CACNA1B: variants seen among roughly 807,000 people sequenced by gnomAD.
CACNA1B encodes calcium voltage-gated channel subunit alpha1 B.
A neutral mutation model predicts 247.2 loss-of-function variants in CACNA1B; 70 were observed. That is an observed-to-expected ratio of 0.28 (90% CI 0.23 to 0.35). The LOEUF (loss-of-function observed/expected upper bound fraction) is 0.35, where lower values mean the gene tolerates loss of function less well. Ranked by LOEUF, CACNA1B falls within the 10% of genes least tolerant of loss-of-function variation. CACNA1B has a pLI of 1.00. For synonymous variants in CACNA1B, 1,231 were observed against 1,294.4 expected (o/e 0.95, Z 1.05); for missense variants, 2,367 against 3,197.4 (o/e 0.74, Z 6.26).
chr9:138,095,363 A>G (rs192122997), intron 36 of CACNA1B, among the ~76,000 whole-genome samples: 141 of 152,370 alleles, frequency 9.3e-4, no homozygotes, highest in African/African-American at 3.3e-3. Flanking sequence ...AAGATATTCA[A>G]CATCTTTGGT....
chr9:137,925,220 G>A (rs1000808872), intron 6 of CACNA1B, among the ~76,000 whole-genome samples: 1 of 152,166 alleles, frequency 6.6e-6, no homozygotes, highest in African/African-American at 2.4e-5. Flanking sequence ...AGTGGGGAGC[G>A]CCATCCTCCC....
rs753436774 is a variant in CACNA1B, at chr9:138,058,685, C to T, written c.4425C>T (p.Tyr1475=). The change falls in exon 29 of 47, where the codon TAC becomes TAT. Residue 1475 remains tyrosine, a synonymous_variant. Transcript: ENST00000371372. The surrounding 1 kb of genome is among the most constrained non-coding windows in gnomAD (Gnocchi z 4.7). ...TTGTGGTCTCCCCGCCCTTTGAATA[C>T]TTCATCATGGCCATGATAGCCCTCA... ...WTFVVSPPFE[Y]FIMAMIALNT... 2 of 1,612,348 alleles carry T rather than the reference C, an allele frequency of 1.2e-6. No individual in the cohort carries two copies. Among genetic ancestry groups the T allele is most frequent in the Admixed American group, 3.3e-5 (2 of 59,758 alleles).
chr9:138,028,075 C>T (rs1166478571), intron 20 of CACNA1B, among the ~76,000 whole-genome samples: 1 of 145,210 alleles, frequency 6.9e-6, no homozygotes, highest in Non-Finnish European at 1.5e-5. Flanking sequence ...GCTCTGTCAC[C>T]CTGGCTGGAG....
At chr9:138,024,720 C>T (rs1056098357) in intron 19 of CACNA1B, among the ~76,000 whole-genome samples, 1 of 152,144 alleles carries the variant, frequency 6.6e-6, no homozygotes, top group African/African-American at 2.4e-5. Flanking sequence ...CCTCAACTTC[C>T]CGGGCTGAAG....
chr9:138,103,118 C>T (rs1961309820), intron 38 of CACNA1B, among the ~76,000 whole-genome samples: 1 of 152,216 alleles, frequency 6.6e-6, no homozygotes, highest in African/African-American at 2.4e-5. Flanking sequence ...TTTCTCCCTC[C>T]CTTCCTTTCC....
Position 138,020,430 on chromosome 9 carries a change from G to A in CACNA1B, c.2268-2581G>A, listed in dbSNP as rs972771074. ...GCCACACTTCACTCTAAGTTGGTGTGGATATGTGCCAGATAGAGCAAGGAC... is the reference window on the plus strand; with the variant it reads ...GCCACACTTCACTCTAAGTTGGTGTAGATATGTGCCAGATAGAGCAAGGAC... On this transcript the variant is annotated intron_variant, in intron 18 of 46. Coordinates refer to ENST00000371372, the MANE Select transcript of CACNA1B (RefSeq NM_000718.4). The surrounding 1 kb of genome is among the most constrained non-coding windows in gnomAD (Gnocchi z 4.1). Among the ~76,000 whole-genome samples the A allele has an allele frequency of 1.3e-5, 2 of 152,222 alleles. No homozygotes were observed. The highest frequency in any genetic ancestry group is 4.8e-5 in the African/African-American group (2 of 41,458).
Position 138,011,355 on chromosome 9 carries a change from C to A in CACNA1B, c.2160+1278C>A, listed in dbSNP as rs1276552065. Among the ~76,000 whole-genome samples the A allele has an allele frequency of 6.6e-6, 1 of 152,136 alleles. No homozygotes were observed. The highest frequency in any genetic ancestry group is 1.5e-5 in the Non-Finnish European group (1 of 68,020). ...GGGCCCTGTGTCCACATACATGTAC[C>A]CTCATTGGTGGCCCCCCTTTTGTGT... On this transcript the variant is annotated intron_variant, in intron 17 of 46. Coordinates refer to ENST00000371372, the MANE Select transcript of CACNA1B (RefSeq NM_000718.4). The surrounding 1 kb of genome is among the most constrained non-coding windows in gnomAD (Gnocchi z 4.2).
chr9:137,926,116 T>C (rs1312383350), intron 6 of CACNA1B, among the ~76,000 whole-genome samples: 1 of 143,740 alleles, frequency 7.0e-6, no homozygotes, highest in African/African-American at 2.6e-5. Context: ...TCGCCCAGGC[T>C]GGAGTATAGT....
intron 3 of CACNA1B, chr9:137,892,013 C>T (rs1421208940): frequency 2.2e-6 from 1 of 457,044 alleles, no homozygotes. Context: ...CCTTGGTCCT[C>T]CTCACTCAGT....
In CACNA1B at chr9:137,986,283, C is replaced by T; in HGVS notation, c.1770-130C>T. On this transcript the variant is annotated intron_variant, in intron 13 of 46. Coordinates refer to ENST00000371372, the MANE Select transcript of CACNA1B (RefSeq NM_000718.4). The surrounding 1 kb of genome is among the most constrained non-coding windows in gnomAD (Gnocchi z 6.0). ...GGGCCTGAAACTCCAGAGAAAAGCTCTAACTTCACACCTAGGTGTGCAGCC... is the reference window on the plus strand; with the variant it reads ...GGGCCTGAAACTCCAGAGAAAAGCTTTAACTTCACACCTAGGTGTGCAGCC... The T allele has an allele frequency of 1.0e-6, 1 of 1,002,602 alleles. No individual in the cohort carries two copies. Among genetic ancestry groups the T allele is most frequent in the Non-Finnish European group, 1.5e-6 (1 of 689,242 alleles). 62.1% of individuals were successfully genotyped at this position (1,002,602 alleles called of 1,614,324 possible). A position where few individuals can be genotyped will look rare whatever the true frequency, so the allele number is the denominator to read the frequency against.
intron 3 of CACNA1B, among the ~76,000 whole-genome samples, chr9:137,894,438 G>A (rs1957148670): frequency 6.7e-6 from 1 of 149,180 alleles, no homozygotes. Flanking sequence ...TTTTTCAGAT[G>A]GAGTCTCGCT....
rs1213653589 is a variant in CACNA1B, at chr9:138,023,269, C to T, written c.2526C>T (p.Pro842=). ...CCCGACCTGAGGCTGCGGAGGCCCCCGAGGGCGTCGACCCTCCGCGCAGGC... is the reference window on the plus strand; with the variant it reads ...CCCGACCTGAGGCTGCGGAGGCCCCTGAGGGCGTCGACCCTCCGCGCAGGC... The part of the protein sequence containing the change: ...GKARPEAAEA[P]EGVDPPRRHH... Residue 842 remains proline (P), a synonymous_variant, in exon 19 of 47, where the codon CCC becomes CCT. Transcript: ENST00000371372. 2 of 1,515,514 alleles carry T rather than the reference C, an allele frequency of 1.3e-6. No homozygotes were observed. The highest frequency in any genetic ancestry group is 1.2e-5 in the South Asian group (1 of 81,666). 93.9% of individuals were successfully genotyped at this position (1,515,514 alleles called of 1,614,324 possible). A position where few individuals can be genotyped will look rare whatever the true frequency, so the allele number is the denominator to read the frequency against.
chr9:138,117,476 C>T (rs1282192740), intron 42 of CACNA1B, among the ~76,000 whole-genome samples: 1 of 152,216 alleles, frequency 6.6e-6, no homozygotes. Context: ...TTGCTGTCTG[C>T]TGGCATAGGC....
At chr9:138,071,383 A>C (rs909535605) in intron 32 of CACNA1B, among the ~76,000 whole-genome samples, 7 of 152,162 alleles carry the variant, frequency 4.6e-5, no homozygotes, top group African/African-American at 7.2e-5. Context: ...TCTGCCTCCG[A>C]GGGGCTGGCG....
Position 138,110,390 on chromosome 9 carries a change from C to T in CACNA1B, c.5429-2008C>T, listed in dbSNP as rs561773479. Among the ~76,000 whole-genome samples the T allele has an allele frequency of 1.1e-4, 17 of 151,804 alleles. No homozygotes were observed. The South Asian group carries it at 1.7e-3, about 15-fold the overall frequency. On this transcript the variant is annotated intron_variant, in intron 39 of 46. Coordinates refer to ENST00000371372, the MANE Select transcript of CACNA1B (RefSeq NM_000718.4). Reference sequence around the variant, plus strand: ...TTGGCCTCCCATAGTGCTGGAATTACGGGAGTGAGCCACTGTGCCCCACCA... The same window carrying T: ...TTGGCCTCCCATAGTGCTGGAATTATGGGAGTGAGCCACTGTGCCCCACCA...
rs1015196932 is a variant in CACNA1B at position 137,899,720 on chromosome 9, C to G, written c.531-13460C>G. On this transcript the variant is annotated intron_variant, in intron 3 of 46. Coordinates refer to ENST00000371372, the MANE Select transcript of CACNA1B (RefSeq NM_000718.4). This position sits in a 1 kb window ranked among gnomAD's most constrained non-coding sequence, Gnocchi z 5.0. ...CTGGAAGGTCAGTGACAAAGCAGAT[C>G]CTGGAGATGGTGCCTCCCCTGCCAG... Among the ~76,000 whole-genome samples, 5 of 152,176 alleles carry G rather than the reference C, an allele frequency of 3.3e-5. No homozygotes were observed. The highest frequency in any genetic ancestry group is 1.2e-4 in the African/African-American group (5 of 41,446).
chr9:137,987,296 C>A (rs574450054), intron 15 of CACNA1B, among the ~76,000 whole-genome samples: 1 of 152,290 alleles, frequency 6.6e-6, no homozygotes, highest in East Asian at 1.9e-4. Flanking sequence ...CCCCTCAGCT[C>A]CTCGGGAAGT....
At chr9:138,098,315 G>A (rs184087341) in intron 37 of CACNA1B, among the ~76,000 whole-genome samples, 24 of 152,302 alleles carry the variant, frequency 1.6e-4, no homozygotes, top group Admixed American at 1.4e-3. Flanking sequence ...CCACATTGAA[G>A]ACCTAGACCT....
chr9:137,984,208 T>C lies in CACNA1B; in HGVS notation c.1727T>C (p.Val576Ala). The part of the protein sequence containing the change: ...IKPGSSFGIS[V>A]LRALRLLRIF... ...CCGGGAAGCTCCTTTGGGATCAGTG[T>C]GCTGCGGGCCCTCCGCCTGCTGAGG... Residue 576 changes from valine (V) to alanine (A), a missense_variant, in exon 13 of 47, where the codon GTG (valine) becomes GCG (alanine). Physicochemically the swap from Val to Ala is moderately conservative, Grantham distance 64. This residue lies in a region of CACNA1B where 219 missense variants were observed against 297.6 expected (regional missense o/e 0.74). Coordinates refer to ENST00000371372, the MANE Select transcript of CACNA1B (RefSeq NM_000718.4). The C allele has an allele frequency of 6.2e-7, 1 of 1,603,764 alleles. No individual in the cohort carries two copies. The highest frequency in any genetic ancestry group is 1.7e-4 in the Middle Eastern group (1 of 6,048).
Sources: gnomAD v4.1 joint callset for allele counts (sites outside exome capture counted in the v4.1 genomes callset) on GRCh38, gnomAD v4.1.1 for gene constraint, gnomAD v4.1.1 regional missense constraint, Gnocchi (gnomAD v3.1) non-coding constraint, MANE v1.5 for transcripts, NCBI Gene and HGNC (gene_info 2026-07-23, HGNC 2026-07-21) for gene names.